The following WWOX variants were observed in gnomAD, a reference collection of about 807,000 sequenced individuals.
The protein encoded by WWOX is WW domain containing oxidoreductase.
WWOX carries 69 observed loss-of-function variants against 46.2 expected under a neutral mutation model. That is an observed-to-expected ratio of 1.49 (90% CI 1.23 to 1.82). WWOX has a LOEUF of 1.82. Ranked by LOEUF, WWOX falls within the 40% of genes most tolerant of loss-of-function variation. The pLI is 0.00. For missense variants in WWOX, 919 were observed against 542.6 expected (o/e 1.69, Z -6.89); for synonymous variants, 359 against 202.6 (o/e 1.77, Z -6.56).
chr16:78,947,523 C>G (rs745354196), intron 8 of WWOX, among the ~76,000 whole-genome samples: 1 of 151,880 alleles, frequency 6.6e-6, no homozygotes, highest in African/African-American at 2.4e-5. Flanking sequence ...GGCTGGGAGC[C>G]TTTCGGCTGG....
chr16:79,068,370 G>A (rs569795128), intron 8 of WWOX, among the ~76,000 whole-genome samples: 1 of 152,244 alleles, frequency 6.6e-6, no homozygotes, highest in African/African-American at 2.4e-5. Flanking sequence ...GTTGTTCAGT[G>A]GTAAGGTGCA....
chr16:78,843,999 C>T (rs151159160), intron 8 of WWOX, among the ~76,000 whole-genome samples: 75 of 152,228 alleles, frequency 4.9e-4, no homozygotes, highest in African/African-American at 1.7e-3. Context: ...ATGTATTCAA[C>T]ATGCTCTGAG....
chr16:79,006,281 G>A (rs570339565), intron 8 of WWOX, among the ~76,000 whole-genome samples: 2 of 152,316 alleles, frequency 1.3e-5, no homozygotes, highest in African/African-American at 4.8e-5. Flanking sequence ...GAATGGAGGA[G>A]AAGATGTGAA....
At chr16:78,721,815 G>T (rs937913299) in intron 8 of WWOX, among the ~76,000 whole-genome samples, 2 of 152,152 alleles carry the variant, frequency 1.3e-5, no homozygotes, top group African/African-American at 2.4e-5. Flanking sequence ...CCTTTCCTAC[G>T]AATAAAGAGG....
intron 8 of WWOX, among the ~76,000 whole-genome samples, chr16:79,032,071 A>G (rs575932264): frequency 1.5e-4 from 22 of 144,300 alleles, no homozygotes; most frequent in African/African-American, 5.0e-4. Context: ...TATATATATT[A>G]TATATATATA....
chr16:78,373,219 A>T (rs1331438079), intron 5 of WWOX, among the ~76,000 whole-genome samples: 1 of 152,150 alleles, frequency 6.6e-6, no homozygotes, highest in Non-Finnish European at 1.5e-5. Flanking sequence ...GATCTACCTT[A>T]TGAGTTATGG....
At chr16:78,438,313 C>T (rs934916511) in intron 8 of WWOX, among the ~76,000 whole-genome samples, 1 of 152,170 alleles carries the variant, frequency 6.6e-6, no homozygotes, top group Non-Finnish European at 1.5e-5. Context: ...TGTAAACTTT[C>T]ACTTGCTAAT....
chr16:78,869,930 C>A (rs560861982), intron 8 of WWOX, among the ~76,000 whole-genome samples: 1 of 152,140 alleles, frequency 6.6e-6, no homozygotes, highest in African/African-American at 2.4e-5. Flanking sequence ...TTATCATTGA[C>A]GTCAGTGCCT....
At chr16:78,738,690 G>T (rs1449929140) in intron 8 of WWOX, among the ~76,000 whole-genome samples, 1 of 152,136 alleles carries the variant, frequency 6.6e-6, no homozygotes, top group Non-Finnish European at 1.5e-5. Flanking sequence ...TGGCTAGAAT[G>T]TGTAGGAGAC....
At chr16:78,245,637 A>G (rs2037793818) in intron 5 of WWOX, among the ~76,000 whole-genome samples, 1 of 152,212 alleles carries the variant, frequency 6.6e-6, no homozygotes, top group Admixed American at 6.5e-5. Context: ...CTGCCTCACT[A>G]ATGTGCATGT....
At chr16:78,824,410 TC>T (rs2051591142) in intron 8 of WWOX, among the ~76,000 whole-genome samples, 1 of 152,200 alleles carries the variant, frequency 6.6e-6, no homozygotes, top group Non-Finnish European at 1.5e-5. Flanking sequence ...CATTCATTCC[TC>T]TAATCAATAT....
At chr16:78,394,863 T>C (rs2151939972) in intron 6 of WWOX, among the ~76,000 whole-genome samples, 1 of 152,260 alleles carries the variant, frequency 6.6e-6, no homozygotes, top group Non-Finnish European at 1.5e-5. Context: ...AGAACGTGGG[T>C]GTTGGGGGTC....
chr16:78,168,136 T>G (rs1306947626), intron 5 of WWOX: 1 of 152,226 alleles, frequency 6.6e-6, no homozygotes, highest in East Asian at 1.9e-4. Context: ...GCCATTTGGC[T>G]CAGCGGAGGC....
Position 78,805,347 on chromosome 16 carries a change from G to A in WWOX, c.1056+372595G>A, listed in dbSNP as rs563275514. ...AGGATCTCGGCTCACTGCAAGCTCC[G>A]CCTCCCGGGTTCATGCCATTCTCCT... On this transcript the variant is annotated intron_variant, in intron 8 of 8. Coordinates refer to ENST00000566780, the MANE Select transcript of WWOX (RefSeq NM_016373.4). Among the ~76,000 whole-genome samples the A allele has an allele frequency of 1.1e-3, 169 of 152,096 alleles. 1 individual carries two copies. The East Asian group carries it at 0.012, about 11-fold the overall frequency.
At chr16:79,036,819 C>G (rs753856973) in intron 8 of WWOX, among the ~76,000 whole-genome samples, 1 of 152,136 alleles carries the variant, frequency 6.6e-6, no homozygotes, top group Non-Finnish European at 1.5e-5. Flanking sequence ...ATGAACTGTG[C>G]TGTAGAGATG....
At chr16:78,106,021 C>T (rs769026484) in intron 1 of WWOX, among the ~76,000 whole-genome samples, 18 of 152,216 alleles carry the variant, frequency 1.2e-4, no homozygotes, top group East Asian at 3.9e-4. Flanking sequence ...AGGCTGGTCT[C>T]GATCTCCTGG....
intron 8 of WWOX, among the ~76,000 whole-genome samples, chr16:78,435,264 C>G (rs2083308459): frequency 6.6e-6 from 1 of 152,072 alleles, no homozygotes. Context: ...TGTAGTGTGT[C>G]TTAGTAATAG....
intron 5 of WWOX, among the ~76,000 whole-genome samples, chr16:78,226,487 T>TCCCC (rs2037061910): frequency 1.1e-5 from 1 of 88,818 alleles, no homozygotes; most frequent in Non-Finnish European, 2.2e-5. Context: ...CTGTCTTCCC[T>TCCCC]CCCTCCCTCC....
At chr16:78,278,588 GT>G in intron 5 of WWOX, 1 of 1,604,288 alleles carries the variant, frequency 6.2e-7, no homozygotes, top group East Asian at 2.2e-5. Flanking sequence ...ACTGTCTTTT[GT>G]TTGTATCTTA....
Sources: gnomAD v4.1 joint callset for allele counts (sites outside exome capture counted in the v4.1 genomes callset) on GRCh38, gnomAD v4.1.1 for gene constraint, MANE v1.5 for transcripts, NCBI Gene and HGNC (gene_info 2026-07-23, HGNC 2026-07-21) for gene names.